Variants in CCDC7 observed in about 807,000 individuals in gnomAD.
CCDC7 encodes coiled-coil domain-containing protein 7.
Under a neutral mutation model 196.9 loss-of-function variants are expected in CCDC7, and 183 were observed. That is an observed-to-expected ratio of 0.93 (90% confidence interval 0.82 to 1.05). The LOEUF (loss-of-function observed/expected upper bound fraction) is 1.05, where lower values mean the gene tolerates loss of function less well. CCDC7 is among the 50% of genes least tolerant of loss of function. The pLI is 0.00. For synonymous variants in CCDC7, 525 were observed against 484.6 expected, an observed-to-expected ratio of 1.08 and a Z score of -1.10; for missense variants, 1,540 against 1,482.2, an observed-to-expected ratio of 1.04 and a Z score of -0.64.
At chr10:32,828,194 C>CT (rs959994043) in intron 32 of CCDC7, among the ~76,000 whole-genome samples, 2 of 151,922 alleles carry the variant, frequency 1.3e-5, no homozygotes, top group Admixed American at 6.6e-5. Context: ...GATGCCCTGC[C>CT]TTTTTTTATC....
intron 18 of CCDC7, among the ~76,000 whole-genome samples, chr10:32,626,620 T>TA (rs984452820): frequency 6.6e-6 from 1 of 151,810 alleles, no homozygotes; most frequent in African/African-American, 2.4e-5. Context: ...TGGGGTCAAA[T>TA]AAAAAAAATT....
intron 20 of CCDC7, among the ~76,000 whole-genome samples, chr10:32,639,696 C>T (rs1211513825): frequency 6.0e-5 from 9 of 149,968 alleles, no homozygotes; most frequent in Non-Finnish European, 1.0e-4. Flanking sequence ...GGCACGATCT[C>T]GGCTCACTTC....
intron 38 of CCDC7, 34 bp downstream of exon 39, chr10:32,847,950 G>C: frequency 7.5e-7 from 1 of 1,338,758 alleles, no homozygotes; most frequent in Non-Finnish European, 1.1e-6. Context: ...AATATTTACA[G>C]TTTATCTTCT....
At chr10:32,652,768 A>C (rs1230076976) in intron 20 of CCDC7, among the ~76,000 whole-genome samples, 3 of 152,040 alleles carry the variant, frequency 2.0e-5, no homozygotes, top group Non-Finnish European at 2.9e-5. Context: ...ATGCATAATA[A>C]ATTTTTCTAG....
chr10:32,717,888 A>G (rs1303506890), intron 25 of CCDC7, among the ~76,000 whole-genome samples: 1 of 94,352 alleles, frequency 1.1e-5, no homozygotes, highest in African/African-American at 3.5e-5. Flanking sequence ...AGTAATTAAT[A>G]GCCTACCAAA....
At chr10:32,671,036 A>G (rs77635049) in intron 21 of CCDC7, among the ~76,000 whole-genome samples, 6,612 of 152,248 alleles carry the variant, frequency 0.043, 479 homozygotes, top group African/African-American at 0.15. Context: ...AAGTTTATTA[A>G]ATAAAAAGTT....
chr10:32,771,604 G>A (rs2079168488), intron 28 of CCDC7, among the ~76,000 whole-genome samples: 1 of 152,168 alleles, frequency 6.6e-6, no homozygotes, highest in Admixed American at 6.5e-5. Context: ...GGCTGCTGAT[G>A]GGGCATGTCT....
intron 20 of CCDC7, 147 bp downstream of exon 21, chr10:32,635,305 T>A (rs1269098689): frequency 2.7e-6 from 1 of 377,300 alleles, no homozygotes; most frequent in Non-Finnish European, 4.7e-6. Context: ...AATTACTGAA[T>A]TAGATGTGTT....
At chr10:32,770,740 T>C (rs2079041875) in intron 28 of CCDC7, among the ~76,000 whole-genome samples, 1 of 152,212 alleles carries the variant, frequency 6.6e-6, no homozygotes, top group South Asian at 2.1e-4. Context: ...ATTGTTTTGC[T>C]ATCTTATGAT....
At chr10:32,777,709 A>T (rs1368725733) in intron 28 of CCDC7, among the ~76,000 whole-genome samples, 2 of 152,008 alleles carry the variant, frequency 1.3e-5, no homozygotes, top group African/African-American at 4.8e-5. Context: ...ATACAAAAAA[A>T]AAAAATTAGC....
At position 32,715,879 on chromosome 10, in the gene CCDC7, C is replaced by T. The variant is rs1345949060; in HGVS notation, c.2569+4149C>T. 5.9e-5 allele frequency among the ~76,000 whole-genome samples: 9 copies of T among 152,184 alleles called. No individual in the cohort carries two copies. The East Asian group carries it at 1.5e-3, about 26-fold the overall frequency. On this transcript the variant is annotated intron_variant, in intron 25 of 41. Coordinates refer to ENST00000639629, the Ensembl canonical transcript of CCDC7. ...ACAGGATGAAAAGGAACCAAGAAAGCCTCTAAGATATATGGGACTATGTGA... is the reference window on the plus strand; with the variant it reads ...ACAGGATGAAAAGGAACCAAGAAAGTCTCTAAGATATATGGGACTATGTGA...
chr10:32,662,233 G>T (rs1291207412), intron 20 of CCDC7, among the ~76,000 whole-genome samples: 2 of 152,140 alleles, frequency 1.3e-5, no homozygotes, highest in African/African-American at 4.8e-5. Context: ...GAGCAATGGG[G>T]GAGGGATGGC....
At chr10:32,873,868 A>T (rs1002505421) in intron 41 of CCDC7, among the ~76,000 whole-genome samples, 5 of 151,836 alleles carry the variant, frequency 3.3e-5, no homozygotes, top group African/African-American at 1.2e-4. Context: ...GTTCTCATTT[A>T]TCTATGTCCT....
intron 18 of CCDC7, among the ~76,000 whole-genome samples, chr10:32,630,785 T>C (rs2064753547): frequency 6.6e-6 from 1 of 152,188 alleles, no homozygotes; most frequent in Admixed American, 6.6e-5. Context: ...AATTGTAAAT[T>C]AAGATCAATT....
chr10:32,545,549 G>A (rs995351479), intron 13 of CCDC7, among the ~76,000 whole-genome samples: 2 of 152,258 alleles, frequency 1.3e-5, no homozygotes, highest in East Asian at 3.9e-4. Context: ...AATATGCAAA[G>A]CTGAGTGACA....
chr10:32,744,005 G>A (rs911075622), intron 28 of CCDC7, among the ~76,000 whole-genome samples: 6 of 111,714 alleles, frequency 5.4e-5, no homozygotes, highest in Admixed American at 2.2e-4. Flanking sequence ...GGGGGAGGGG[G>A]GAGGGATAGC....
intron 30 of CCDC7, among the ~76,000 whole-genome samples, chr10:32,810,532 T>C (rs2086851473): frequency 6.6e-6 from 1 of 152,056 alleles, no homozygotes; most frequent in Non-Finnish European, 1.5e-5. Flanking sequence ...AAATATTAAA[T>C]CTAAAGGGAC....
chr10:32,802,630 G>A lies in CCDC7; in HGVS notation c.3014-2385G>A, dbSNP rs551768629. Among the ~76,000 whole-genome samples the A allele has an allele frequency of 1.7e-4, 26 of 152,246 alleles. No homozygotes were observed. In the South Asian group the frequency reaches 5.4e-3, roughly 32 times the overall value. On this transcript the variant is annotated intron_variant, in intron 29 of 41. Coordinates refer to ENST00000639629, the Ensembl canonical transcript of CCDC7. Reference sequence around the variant, plus strand: ...TTGACTCACACAATCAAAAGGTGAGGTTCCTCAGTAGGCCATCTGCAAGCT... The same window carrying A: ...TTGACTCACACAATCAAAAGGTGAGATTCCTCAGTAGGCCATCTGCAAGCT...
At chr10:32,729,114 C>G in intron 27 of CCDC7, 117 bp downstream of exon 28, 1 of 869,850 alleles carries the variant, frequency 1.1e-6, no homozygotes, top group Middle Eastern at 3.6e-4. Flanking sequence ...TAACTTTGAC[C>G]TAAAGTGTGA....
Sources: gnomAD v4.1 joint callset for allele counts (sites outside exome capture counted in the v4.1 genomes callset) on GRCh38, gnomAD v4.1.1 for gene constraint, MANE v1.5 for transcripts, NCBI Gene and HGNC (gene_info 2026-07-23, HGNC 2026-07-21) for gene names.